Variants in ULK3 observed in about 807,000 individuals in gnomAD.
ULK3 encodes unc-51 like kinase 3, also known as serine/threonine-protein kinase ULK3.
In ULK3, 54 loss-of-function variants were observed where a neutral mutation model predicts 69.4. The observed-to-expected ratio is 0.78, with a 90% CI of 0.63 to 0.98. The LOEUF is 0.98. ULK3 is among the 50% of genes least tolerant of loss of function. ULK3 has a pLI of 0.00. For synonymous variants in ULK3, 240 were observed against 254.5 expected, an observed-to-expected ratio of 0.94 and a Z score of 0.54; for missense variants, 558 against 627.7, an observed-to-expected ratio of 0.89 and a Z score of 1.19.
rs200904845 is a variant in ULK3, at chr15:74,841,508, A to G, written c.366T>C (p.Ala122=). ...KVARVFMQQL[A]SALQFLHERN... ...GTTCATGCAGGAATTGCAGGGCGCT[A>G]GCTGAGGAGCAGGACCCACGAAGAG... is the stretch of plus-strand genomic sequence containing the variant. The change falls in exon 4 of 16, where the codon GCT becomes GCC. Residue 122 remains alanine (A), a splice_region_variant and synonymous_variant. Transcript: ENST00000440863. 3.0e-5 allele frequency: 48 copies of G among 1,613,642 alleles called. No homozygotes were observed. The Admixed American group carries it at 4.5e-4, about 15-fold the overall frequency.
Position 74,839,033 on chromosome 15 carries a change from G to C in ULK3, c.976C>G (p.Arg326Gly). The change falls in exon 9 of 16, where the codon CGG (arginine) becomes GGG (glycine). Residue 326 changes from arginine to glycine, a missense_variant. Arg to Gly is a moderately radical substitution (Grantham distance 125). Transcript: ENST00000440863. ...PALHYEVDAQ[R>G]KEAIKAKVGQ... is the part of the protein sequence containing the mutation. ...ACCTTTGCCTTAATTGCCTCCTTCC[G>C]CTGGGCATCCACTTCATCTGCAGAA... 6.2e-7 allele frequency: 1 copy of C among 1,604,048 alleles called. No homozygotes were observed. The highest frequency in any genetic ancestry group is 1.1e-5 in the South Asian group (1 of 88,742).
Position 74,838,661 on chromosome 15 carries a change from C to T in ULK3, c.1084G>A (p.Ala362Thr). 1 of 1,611,834 alleles carries T rather than the reference C, an allele frequency of 6.2e-7. No homozygotes were observed. Residue 362 changes from alanine (A) to threonine (T), a missense_variant, in exon 10 of 16, where the codon GCC (alanine) becomes ACC (threonine). Ala to Thr is a moderately conservative substitution (Grantham distance 58). Transcript: ENST00000440863. ...NQALLRQGTS[A>T]RDLLREMARD... ...AGTCTACCTCTGAGCAGGTCTCGGG[C>T]AGAGGTCCCCTGCCTCAGCAGGGCC...
In ULK3 at chr15:74,841,463, A is replaced by G. The variant is rs552499117; in HGVS notation, c.411T>C (p.Asp137=). The change falls in exon 4 of 16, where the codon GAT becomes GAC. Residue 137 remains aspartate, a synonymous_variant. Transcript: ENST00000440863. ...FLHERNISHL[D]LKPQNILLSS... is the part of the protein sequence containing the mutation. ...TCAGTAGAATGTTCTGTGGCTTCAGATCCAGGTGAGAGATATTCCGTTCAT... is the reference window on the plus strand; with the variant it reads ...TCAGTAGAATGTTCTGTGGCTTCAGGTCCAGGTGAGAGATATTCCGTTCAT... 9.9e-6 allele frequency: 16 copies of G among 1,613,878 alleles called. No homozygotes were observed. The South Asian group carries it at 1.6e-4, about 17-fold the overall frequency.
At position 74,840,331 on chromosome 15, in the gene ULK3, C is replaced by T. The variant is rs1425461404; in HGVS notation, c.614-15G>A. The stretch of plus-strand genomic sequence containing the variant: ...GAAGAGGGCTTCTGTGGAAGGGAGG[C>T]AGAGCGGAGGCTGGGAGGGAATGGG... On this transcript the variant is annotated splice_polypyrimidine_tract_variant and intron_variant, in intron 5 of 15. Coordinates refer to ENST00000440863, the MANE Select transcript of ULK3 (RefSeq NM_001099436.4). The T allele has an allele frequency of 6.2e-7, 1 of 1,604,510 alleles. No homozygotes were observed. Among genetic ancestry groups the T allele is most frequent in the Non-Finnish European group, 8.5e-7 (1 of 1,175,868 alleles).
At position 74,840,501 on chromosome 15, in the gene ULK3, A is replaced by C; in HGVS notation, c.610T>G (p.Tyr204Asp). 4.4e-6 allele frequency: 7 copies of C among 1,605,902 alleles called. No individual in the cohort carries two copies. The highest frequency in any genetic ancestry group is 5.9e-6 in the Non-Finnish European group (7 of 1,176,580). Reference sequence around the variant, plus strand: ...AAGCAGGGAAAAGAGGTCTCACCATACAGGATGACCCCCATGGACCAGAGG... The same window carrying C: ...AAGCAGGGAAAAGAGGTCTCACCATCCAGGATGACCCCCATGGACCAGAGG... ...VDLWSMGVIL[Y>D]EALFGQPPFA... is the part of the protein sequence containing the mutation. The change falls in exon 5 of 16, where the codon TAT (tyrosine) becomes GAT (aspartate). Residue 204 changes from tyrosine to aspartate, a missense_variant. By Grantham distance (160) the Tyr-to-Asp change is radical. Transcript: ENST00000440863.
At chr15:74,839,459 C>A in intron 7 of ULK3, 86 bp from the exon 8 acceptor site, 1 of 1,541,322 alleles carries the variant, frequency 6.5e-7, no homozygotes. Flanking sequence ...CTGAGCCCGC[C>A]CTCTGTCTCT....
At chr15:74,837,461 G>T (rs1389224580) in intron 14 of ULK3, 26 bp from the exon 15 acceptor site, 1 of 1,602,646 alleles carries the variant, frequency 6.2e-7, no homozygotes, top group Admixed American at 1.7e-5. Flanking sequence ...GCAGCACAAG[G>T]GATGAGAGGC....
At position 74,838,151 on chromosome 15, in the gene ULK3, CCTCAGTGTGAAG is replaced by C. The variant is rs750013438; in HGVS notation, c.1276_1287del (p.Leu426_Glu429del). 2 of 1,555,928 alleles carry C rather than the reference CCTCAGTGTGAAG, an allele frequency of 1.3e-6. No individual in the cohort carries two copies. Among genetic ancestry groups the C allele is most frequent in the African/African-American group, 2.7e-5 (2 of 73,272 alleles). ...CCAACCCTCTCAAGCTCAGTGGGCA[CCTCAGTGTGAAG>C]CAGCTCCCGCCTCCGGCCCGGGGGC... On this transcript the variant is annotated inframe_deletion and splice_region_variant, in exon 13 of 16. Transcript: ENST00000440863.
chr15:74,842,048 T>G lies in ULK3; in HGVS notation c.364+27A>C. 6.2e-7 allele frequency: 1 copy of G among 1,612,834 alleles called. No individual in the cohort carries two copies. The highest frequency in any genetic ancestry group is 8.5e-7 in the Non-Finnish European group (1 of 1,179,744). ...GGGGGGCAGAGAACAAGGGACAGAG[T>G]GTCAGGCTGGTGTCACAGGCCTTTA... On this transcript the variant is annotated intron_variant, in intron 3 of 15. Coordinates refer to ENST00000440863, the MANE Select transcript of ULK3 (RefSeq NM_001099436.4). The surrounding 1 kb of genome is among the most constrained non-coding windows in gnomAD (Gnocchi z 4.9).
rs1366585615 is a variant in ULK3, at chr15:74,838,194, T to C, written c.1247-2A>G. On this transcript the variant is annotated splice_acceptor_variant, in intron 12 of 15. Coordinates refer to ENST00000440863, the MANE Select transcript of ULK3 (RefSeq NM_001099436.4). LOFTEE classifies it high-confidence loss of function. ...CCCGCCTCCGGCCCGGGGGCTCCGCTGTAAAGAGAGGGTGTGTGGTGAGGA... is the reference window on the plus strand; with the variant it reads ...CCCGCCTCCGGCCCGGGGGCTCCGCCGTAAAGAGAGGGTGTGTGGTGAGGA... The C allele has an allele frequency of 1.3e-6, 2 of 1,567,464 alleles. No homozygotes were observed. Among genetic ancestry groups the C allele is most frequent in the Non-Finnish European group, 1.7e-6 (2 of 1,156,588 alleles).
At position 74,843,098 on chromosome 15, in the gene ULK3, C is replaced by A. The variant is rs1006591456; in HGVS notation, c.8G>T (p.Gly3Val). ...CAGGCGCGGGGGACCCCAGCCGGGC[C>A]CCGCCATTCCGGCCGCCTGCGCCCG... MA[G>V]PGWGPPRLDG... is the part of the protein sequence containing the mutation. Residue 3 changes from glycine to valine, a missense_variant, in exon 1 of 16, where the codon GGG becomes GTG. Coordinates refer to ENST00000440863, the MANE Select transcript of ULK3 (RefSeq NM_001099436.4). The A allele has an allele frequency of 4.1e-5, 54 of 1,323,430 alleles. No homozygotes were observed. Among genetic ancestry groups the A allele is most frequent in the Non-Finnish European group, 5.1e-5 (53 of 1,034,096 alleles). The allele number at this position is 1,323,430 out of a possible 1,614,324, so 82.0% of individuals were successfully genotyped here.
chr15:74,839,787 A>C, intron 6 of ULK3, 74 bp from the exon 7 acceptor site: 7 of 1,449,690 alleles, frequency 4.8e-6, no homozygotes, highest in Non-Finnish European at 6.3e-6. Flanking sequence ...GGGGTCTGCG[A>C]GGAACCCCAG....
chr15:74,840,710 A>C (rs1393912366), intron 4 of ULK3, 69 bp from the exon 5 acceptor site: 9 of 1,491,118 alleles, frequency 6.0e-6, no homozygotes, highest in Non-Finnish European at 8.0e-6. Context: ...GTAAAGCCTC[A>C]CCCCAGGCTC....
rs150500863 is a variant in ULK3 at position 74,841,691 on chromosome 15, T to C, written c.365-182A>G. Among the ~76,000 whole-genome samples, 1,297 of 151,670 alleles carry C rather than the reference T, an allele frequency of 8.6e-3. 23 individuals are homozygous for C. Among genetic ancestry groups the C allele is most frequent in the African/African-American group, 0.03 (1,240 of 41,296 alleles). On this transcript the variant is annotated intron_variant, in intron 3 of 15. Coordinates refer to ENST00000440863, the MANE Select transcript of ULK3 (RefSeq NM_001099436.4). ...CTAGGAGTTTGCCACCCCACCCGAG[T>C]GCCCACCCTCCTTCCCTCTGCCCCT...
chr15:74,840,591 G>A lies in ULK3; in HGVS notation c.520C>T (p.Arg174Cys), dbSNP rs751430028. 10 of 1,606,102 alleles carry A rather than the reference G, an allele frequency of 6.2e-6. No homozygotes were observed. Among genetic ancestry groups the A allele is most frequent in the South Asian group, 4.4e-5 (4 of 90,252 alleles). Residue 174 changes from arginine to cysteine, a missense_variant, in exon 5 of 16, where the codon CGT (arginine) becomes TGT (cysteine). Physicochemically the swap from Arg to Cys is radical, Grantham distance 180 (BLOSUM62 -3). Coordinates refer to ENST00000440863, the MANE Select transcript of ULK3 (RefSeq NM_001099436.4). ...MSPWDEKHVL[R>C]GSPLYMAPEM... ...GGGGCCATGTAGAGGGGGGAGCCAC[G>A]GAGCACGTGCTTCTCATCCCACGGG...
intron 15 of ULK3, 55 bp downstream of exon 15, chr15:74,837,314 G>A (rs1440808388): frequency 1.9e-6 from 3 of 1,612,562 alleles, no homozygotes; most frequent in African/African-American, 1.3e-5. Flanking sequence ...AGAACCCAGG[G>A]CCCCCAGCCC....
At position 74,840,531 on chromosome 15, in the gene ULK3, C is replaced by T. The variant is rs752274773; in HGVS notation, c.580G>A (p.Val194Met). The T allele has an allele frequency of 9.3e-6, 15 of 1,609,866 alleles. No individual in the cohort carries two copies. In the African/African-American group the frequency reaches 1.1e-4, roughly 11 times the overall value. Residue 194 changes from valine (V) to methionine (M), a missense_variant, in exon 5 of 16, where the codon GTG becomes ATG. Coordinates refer to ENST00000440863, the MANE Select transcript of ULK3 (RefSeq NM_001099436.4). ...ATGACCCCCATGGACCAGAGGTCCACGCGGGCGTCATACTGCCGCTGGCAC... is the reference window on the plus strand; with the variant it reads ...ATGACCCCCATGGACCAGAGGTCCATGCGGGCGTCATACTGCCGCTGGCAC... Reference protein sequence around the residue: ...MVCQRQYDARVDLWSMGVILY... With the variant: ...MVCQRQYDARMDLWSMGVILY...
Position 74,836,953 on chromosome 15 carries a change from C to T in ULK3, c.*275G>A, listed in dbSNP as rs1880223960. On this transcript the variant is annotated 3_prime_UTR_variant, in exon 16 of 16. Transcript: ENST00000440863. The surrounding 1 kb of genome is among the most constrained non-coding windows in gnomAD (Gnocchi z 4.0). ...CCCCAAAACGGACAGGCACAGGACCCAGTAACCACCGAGTAACAAAGGTCT... is the reference window on the plus strand; with the variant it reads ...CCCCAAAACGGACAGGCACAGGACCTAGTAACCACCGAGTAACAAAGGTCT... 2.4e-6 allele frequency: 1 copy of T among 413,736 alleles called. No homozygotes were observed. Among genetic ancestry groups the T allele is most frequent in the African/African-American group, 2.0e-5 (1 of 50,114 alleles). 25.6% of individuals were successfully genotyped at this position (413,736 alleles called of 1,614,324 possible). A position where few individuals can be genotyped will look rare whatever the true frequency, so the allele number is the denominator to read the frequency against.
At chr15:74,838,056 T>G in intron 13 of ULK3, 96 bp downstream of exon 13, 1 of 1,501,928 alleles carries the variant, frequency 6.7e-7, no homozygotes, top group South Asian at 1.3e-5. Context: ...ACCCTGACAG[T>G]GGGACATTCC....
Sources: gnomAD v4.1 joint callset for allele counts (sites outside exome capture counted in the v4.1 genomes callset) on GRCh38, gnomAD v4.1.1 for gene constraint, Gnocchi (gnomAD v3.1) non-coding constraint, MANE v1.5 for transcripts, NCBI Gene and HGNC (gene_info 2026-07-23, HGNC 2026-07-21) for gene names.